The following PTPRO variants were observed in gnomAD, a reference collection of about 807,000 sequenced individuals.
PTPRO encodes receptor-type tyrosine-protein phosphatase O.
Under a neutral mutation model 145.2 loss-of-function variants are expected in PTPRO, and 62 were observed. That is an observed-to-expected ratio of 0.43 (90% CI 0.35 to 0.53). PTPRO has a LOEUF of 0.53. Among genes scored for constraint, PTPRO ranks in the 20% least tolerant of loss-of-function variants. PTPRO has a pLI of 0.01. For synonymous variants in PTPRO, 565 were observed against 514.7 expected, an observed-to-expected ratio of 1.10 and a Z score of -1.32; for missense variants, 1,345 against 1,482.7, an observed-to-expected ratio of 0.91 and a Z score of 1.53.
rs1440956256 is a variant in PTPRO, at chr12:15,497,403, G to C, written c.508G>C (p.Asp170His). ...GKDFRTMLYK[D>H]FFKGKTVFNH... is the part of the protein sequence containing the mutation. ...AGACTTCCGGACAATGCTATATAAAGGTAAGCAGCAAAAGGAAAGCTGAAT... is the reference window on the plus strand; with the variant it reads ...AGACTTCCGGACAATGCTATATAAACGTAAGCAGCAAAAGGAAAGCTGAAT... Residue 170 changes from aspartate to histidine, a missense_variant and splice_region_variant, in exon 3 of 27, where the codon GAT becomes CAT. By Grantham distance (81) the Asp-to-His change is moderately conservative. Transcript: ENST00000281171. The C allele has an allele frequency of 1.2e-6, 2 of 1,612,898 alleles. No homozygotes were observed. The highest frequency in any genetic ancestry group is 1.7e-6 in the Non-Finnish European group (2 of 1,179,384).
rs560351374 is a variant in PTPRO at position 15,536,309 on chromosome 12, G to GT, written c.2164+10048dup. Among the ~76,000 whole-genome samples, 652 of 152,286 alleles carry GT rather than the reference G, an allele frequency of 4.3e-3. 2 individuals carry two copies. Among genetic ancestry groups the GT allele is most frequent in the Non-Finnish European group, 6.4e-3 (438 of 68,018 alleles). ...GGGTGCAATTTTTGTGAGGAGTAGA[G>GT]TAAGTGTCACTGTGAAGGTGATGTT... On this transcript the variant is annotated intron_variant, in intron 12 of 26. Coordinates refer to ENST00000281171, the MANE Select transcript of PTPRO (RefSeq NM_030667.3).
In PTPRO at chr12:15,596,094, G is replaced by A. The variant is rs1944654028; in HGVS notation, c.*21G>A. ...CTTTCTTTGTCTCATTCACAGGAGA[G>A]GACATGATGTGCGCCCATCCTCCCT... On this transcript the variant is annotated 3_prime_UTR_variant, in exon 27 of 27. Coordinates refer to ENST00000281171, the MANE Select transcript of PTPRO (RefSeq NM_030667.3). The A allele has an allele frequency of 6.6e-6, 1 of 152,252 alleles. No homozygotes were observed. Among genetic ancestry groups the A allele is most frequent in the Non-Finnish European group, 1.5e-5 (1 of 68,044 alleles). The allele number at this position is 152,252 out of a possible 1,614,324, so 9.4% of individuals were successfully genotyped here. A position where few individuals can be genotyped will look rare whatever the true frequency, so the allele number is the denominator to read the frequency against.
chr12:15,528,674 G>A lies in PTPRO; in HGVS notation c.2164+2412G>A, dbSNP rs567410113. Among the ~76,000 whole-genome samples the A allele has an allele frequency of 5.8e-4, 88 of 152,134 alleles. No homozygotes were observed. In the South Asian group the frequency reaches 0.012, roughly 21 times the overall value. ...CAGGTACAAATAGCCAGGTTCATGA[G>A]GGTCTGAGAATACCAAACAGATACC... is the stretch of plus-strand genomic sequence containing the variant. On this transcript the variant is annotated intron_variant, in intron 12 of 26. Coordinates refer to ENST00000281171, the MANE Select transcript of PTPRO (RefSeq NM_030667.3).
intron 6 of PTPRO, among the ~76,000 whole-genome samples, chr12:15,505,201 G>T (rs4764200): frequency 0.96 from 146,637 of 152,318 alleles, 70,642 homozygotes; most frequent in Middle Eastern, 1. Flanking sequence ...AACAATTCTG[G>T]TCTTTCTGAC....
At chr12:15,402,248 C>G (rs1465286417) in intron 1 of PTPRO, among the ~76,000 whole-genome samples, 1 of 152,140 alleles carries the variant, frequency 6.6e-6, no homozygotes. Context: ...ATTAGCTGGG[C>G]ATGGTGGTGT....
At chr12:15,497,444 C>T (rs758633834) in intron 3 of PTPRO, 41 bp downstream of exon 3, 4 of 1,592,412 alleles carry the variant, frequency 2.5e-6, no homozygotes, top group African/African-American at 1.3e-5. Flanking sequence ...ATGACCCTCA[C>T]TTTTTACAAA....
chr12:15,377,353 T>C (rs1040186620), intron 1 of PTPRO, among the ~76,000 whole-genome samples: 8 of 151,974 alleles, frequency 5.3e-5, no homozygotes, highest in Non-Finnish European at 7.4e-5. Context: ...TTAAACTCTC[T>C]AATAAAAAGG....
chr12:15,453,175 G>A (rs1941089947), intron 1 of PTPRO, among the ~76,000 whole-genome samples: 1 of 152,040 alleles, frequency 6.6e-6, no homozygotes, highest in African/African-American at 2.4e-5. Context: ...ATTTGTAGTA[G>A]AGATGGCATT....
At chr12:15,474,486 A>T (rs775912143) in intron 1 of PTPRO, among the ~76,000 whole-genome samples, 8 of 152,332 alleles carry the variant, frequency 5.3e-5, no homozygotes, top group Non-Finnish European at 1.2e-4. Flanking sequence ...GCATAAGGAT[A>T]TATGGATCCT....
At chr12:15,389,716 A>G (rs1339919386) in intron 1 of PTPRO, among the ~76,000 whole-genome samples, 1 of 152,146 alleles carries the variant, frequency 6.6e-6, no homozygotes, top group Non-Finnish European at 1.5e-5. Flanking sequence ...TTTGTGTTTA[A>G]CTCCACATCT....
chr12:15,408,589 G>C (rs1460267709), intron 1 of PTPRO, among the ~76,000 whole-genome samples: 3 of 152,016 alleles, frequency 2.0e-5, no homozygotes, highest in Non-Finnish European at 4.4e-5. Flanking sequence ...CACCACGCTT[G>C]GCTAATTTTT....
At chr12:15,399,784 C>T (rs1361891459) in intron 1 of PTPRO, among the ~76,000 whole-genome samples, 1 of 151,966 alleles carries the variant, frequency 6.6e-6, no homozygotes, top group Non-Finnish European at 1.5e-5. Flanking sequence ...GGCACAGTGG[C>T]TCTCACCTGT....
At chr12:15,422,296 T>A (rs1188130580) in intron 1 of PTPRO, among the ~76,000 whole-genome samples, 1 of 152,200 alleles carries the variant, frequency 6.6e-6, no homozygotes, top group Non-Finnish European at 1.5e-5. Context: ...TTTTACTAAT[T>A]GTTTCAGGGC....
chr12:15,570,195 T>C (rs1212100259), intron 19 of PTPRO, among the ~76,000 whole-genome samples: 1 of 152,206 alleles, frequency 6.6e-6, no homozygotes, highest in Non-Finnish European at 1.5e-5. Flanking sequence ...ACTTTTTCTT[T>C]CTACATATTT....
chr12:15,445,305 A>C (rs1940873475), intron 1 of PTPRO, among the ~76,000 whole-genome samples: 2 of 152,116 alleles, frequency 1.3e-5, no homozygotes, highest in Admixed American at 1.3e-4. Context: ...GACTCATTGA[A>C]ATGGATTACT....
intron 2 of PTPRO, among the ~76,000 whole-genome samples, chr12:15,494,274 A>T (rs1942057193): frequency 1.3e-5 from 2 of 152,234 alleles, no homozygotes; most frequent in Admixed American, 1.3e-4. Context: ...CACCTTGTCC[A>T]ACAACTCCAT....
At chr12:15,428,397 A>G (rs1033506117) in intron 1 of PTPRO, among the ~76,000 whole-genome samples, 5 of 152,134 alleles carry the variant, frequency 3.3e-5, no homozygotes. Flanking sequence ...TGGGAGGAGA[A>G]TACATGTTCT....
At chr12:15,351,530 G>C (rs528605614) in intron 1 of PTPRO, among the ~76,000 whole-genome samples, 9 of 152,268 alleles carry the variant, frequency 5.9e-5, no homozygotes, top group African/African-American at 2.2e-4. Context: ...CTCTCCTTCC[G>C]AGGTCAGGAG....
At chr12:15,401,626 A>G (rs1013125538) in intron 1 of PTPRO, among the ~76,000 whole-genome samples, 4 of 152,230 alleles carry the variant, frequency 2.6e-5, no homozygotes, top group Non-Finnish European at 5.9e-5. Flanking sequence ...GACATCCTAC[A>G]GACAAATAAC....
Sources: gnomAD v4.1 joint callset for allele counts (sites outside exome capture counted in the v4.1 genomes callset) on GRCh38, gnomAD v4.1.1 for gene constraint, MANE v1.5 for transcripts, NCBI Gene and HGNC (gene_info 2026-07-23, HGNC 2026-07-21) for gene names.